Variants in SBNO2 observed in about 807,000 individuals in gnomAD.
The protein encoded by SBNO2 is strawberry notch homolog 2.
A neutral mutation model predicts 146.3 loss-of-function variants in SBNO2; 89 were observed. The ratio of observed to expected loss-of-function variants is 0.61; its 90% CI spans 0.51 to 0.73. The LOEUF (loss-of-function observed/expected upper bound fraction) is 0.73. Ranked by LOEUF, SBNO2 falls within the 30% of genes least tolerant of loss-of-function variation. The pLI is 0.00. For missense variants in SBNO2, 2,092 were observed against 2,003.7 expected (o/e 1.04, Z -0.84); for synonymous variants, 1,147 against 892.6 (o/e 1.29, Z -5.08).
At chr19:1,149,512 G>T in intron 2 of SBNO2, 70 bp from the exon 3 acceptor site, 1 of 1,432,622 alleles carries the variant, frequency 7.0e-7, no homozygotes. Context: ...TAAGCCCTCC[G>T]GGCAGGGTGA....
At chr19:1,164,986 G>A (rs1027748386) in intron 1 of SBNO2, among the ~76,000 whole-genome samples, 2 of 151,920 alleles carry the variant, frequency 1.3e-5, no homozygotes, top group Non-Finnish European at 2.9e-5. Context: ...AGGAGGAGGA[G>A]GAGGAGGCAG....
chr19:1,129,174 G>A (rs1355795461), intron 4 of SBNO2, among the ~76,000 whole-genome samples: 2 of 152,176 alleles, frequency 1.3e-5, no homozygotes, highest in Admixed American at 6.5e-5. Context: ...GGCTGGGGCA[G>A]GAGAACTGCT....
Position 1,117,904 on chromosome 19 carries a change from C to G in SBNO2, c.1528-405G>C, listed in dbSNP as rs527831057. 7.2e-5 allele frequency among the ~76,000 whole-genome samples: 11 copies of G among 152,228 alleles called. 1 individual carries two copies. Among genetic ancestry groups the G allele is most frequent in the Admixed American group, 3.9e-4 (6 of 15,286 alleles). ...GGTTTGGGGGCTGGTCCCGGCATGA[C>G]TGGGTGGGCTGGGTTAGGGTGGCTG... On this transcript the variant is annotated intron_variant, in intron 14 of 31. Coordinates refer to ENST00000361757, the MANE Select transcript of SBNO2 (RefSeq NM_014963.3).
chr19:1,114,395 G>T lies in SBNO2; in HGVS notation c.1913C>A (p.Ala638Asp). The T allele has an allele frequency of 6.5e-7, 1 of 1,546,940 alleles. No individual in the cohort carries two copies. Among genetic ancestry groups the T allele is most frequent in the Non-Finnish European group, 8.7e-7 (1 of 1,144,692 alleles). The change falls in exon 18 of 32, where the codon GCC becomes GAC. Residue 638 changes from alanine to aspartate, a missense_variant. Transcript: ENST00000361757. Reference protein sequence around the residue: ...KRRPRGRGAKAPRLACETAGV... With the variant: ...KRRPRGRGAKDPRLACETAGV... ...CGCTGTCTCGCACGCCAGCCGGGGG[G>T]CTTTGGCCCCGCGTCCCCGAGGTCG...
At chr19:1,111,751 C>G in intron 23 of SBNO2, 137 bp from the exon 24 acceptor site, 1 of 738,496 alleles carries the variant, frequency 1.4e-6, no homozygotes, top group South Asian at 1.8e-5. Context: ...CCCACCTCCC[C>G]CAGCTCTCAG....
intron 1 of SBNO2, among the ~76,000 whole-genome samples, chr19:1,170,389 G>A (rs1181177476): frequency 2.0e-5 from 3 of 152,172 alleles, no homozygotes; most frequent in Admixed American, 6.5e-5. Context: ...AACCTCCCGG[G>A]GGTTGGGGGC....
In SBNO2 at chr19:1,111,518, T is replaced by A; in HGVS notation, c.2797A>T (p.Thr933Ser). 1.3e-6 allele frequency: 2 copies of A among 1,579,562 alleles called. No individual in the cohort carries two copies. The highest frequency in any genetic ancestry group is 1.7e-6 in the Non-Finnish European group (2 of 1,162,974). ...CAGCCCAGCTTACCCCGGAAGAAGGTGGGGACCCCTCCAGGGTATCCCTGG... is the reference window on the plus strand; with the variant it reads ...CAGCCCAGCTTACCCCGGAAGAAGGAGGGGACCCCTCCAGGGTATCCCTGG... Reference protein sequence around the residue: ...VPQGYPGGVPTFFRDMKQGLL... With the variant: ...VPQGYPGGVPSFFRDMKQGLL... The change falls in exon 24 of 32, where the codon ACC becomes TCC. Residue 933 changes from threonine to serine, a missense_variant. Thr to Ser is a moderately conservative substitution (Grantham distance 58). Coordinates refer to ENST00000361757, the MANE Select transcript of SBNO2 (RefSeq NM_014963.3).
chr19:1,120,797 T>C (rs1352361296), intron 11 of SBNO2, among the ~76,000 whole-genome samples: 3 of 152,046 alleles, frequency 2.0e-5, no homozygotes, highest in African/African-American at 7.2e-5. Flanking sequence ...GCCTCCTGAG[T>C]AGCTGGGATT....
chr19:1,142,471 G>A (rs2080150376), intron 4 of SBNO2, among the ~76,000 whole-genome samples: 1 of 152,246 alleles, frequency 6.6e-6, no homozygotes, highest in Non-Finnish European at 1.5e-5. Context: ...CCTGAGGTCA[G>A]GAGTTCGAGA....
At chr19:1,125,000 T>A (rs2079949088) in intron 5 of SBNO2, among the ~76,000 whole-genome samples, 1 of 151,972 alleles carries the variant, frequency 6.6e-6, no homozygotes, top group Admixed American at 6.6e-5. Context: ...TCTGTGTGAT[T>A]CTGGAATATA....
In SBNO2 at chr19:1,150,888, T is replaced by G. The variant is rs2080236540; in HGVS notation, c.94-1446A>C. 1.3e-5 allele frequency among the ~76,000 whole-genome samples: 2 copies of G among 151,508 alleles called. No individual in the cohort carries two copies. The highest frequency in any genetic ancestry group is 4.9e-5 in the African/African-American group (2 of 41,220). On this transcript the variant is annotated intron_variant, in intron 2 of 31. Coordinates refer to ENST00000361757, the MANE Select transcript of SBNO2 (RefSeq NM_014963.3). The surrounding 1 kb of genome is among the most constrained non-coding windows in gnomAD (Gnocchi z 6.2). ...CTCGAGATAGGCAAAGCCCTCGGGG[T>G]GACCGCTGCCCCGCTCCTCCAGCTT...
intron 4 of SBNO2, among the ~76,000 whole-genome samples, chr19:1,129,495 G>C (rs976403143): frequency 1.3e-5 from 2 of 152,064 alleles, no homozygotes; most frequent in Non-Finnish European, 2.9e-5. Context: ...AGCCAGGTAG[G>C]GTGCAGCACC....
chr19:1,114,515 T>G, intron 17 of SBNO2, 93 bp from the exon 18 acceptor site: 2 of 1,120,816 alleles, frequency 1.8e-6, no homozygotes, highest in South Asian at 3.4e-5. Context: ...AGGCCAGTGG[T>G]CCGAGCTGGG....
Position 1,112,644 on chromosome 19 carries a change from G to A in SBNO2, c.2380-107C>T, listed in dbSNP as rs538858991. Reference sequence around the variant, plus strand: ...CCGCTCCAGGTCACCAGGACGTCCCGGGGCAGCGAGAGGCCTGCGGGGCGC... The same window carrying A: ...CCGCTCCAGGTCACCAGGACGTCCCAGGGCAGCGAGAGGCCTGCGGGGCGC... On this transcript the variant is annotated intron_variant, in intron 20 of 31. Coordinates refer to ENST00000361757, the MANE Select transcript of SBNO2 (RefSeq NM_014963.3). The surrounding 1 kb of genome is among the most constrained non-coding windows in gnomAD (Gnocchi z 5.9). The A allele has an allele frequency of 3.4e-6, 5 of 1,455,736 alleles. No homozygotes were observed. The highest frequency in any genetic ancestry group is 1.4e-5 in the African/African-American group (1 of 70,820). 90.2% of individuals were successfully genotyped at this position (1,455,736 alleles called of 1,614,324 possible). A position where few individuals can be genotyped will look rare whatever the true frequency, so the allele number is the denominator to read the frequency against.
chr19:1,170,237 G>A (rs1270573656), intron 1 of SBNO2, among the ~76,000 whole-genome samples: 2 of 152,234 alleles, frequency 1.3e-5, no homozygotes, highest in Non-Finnish European at 2.9e-5. Context: ...AGAACCCCAG[G>A]TTTGCCTTCG....
intron 1 of SBNO2, 137 bp from the exon 2 acceptor site, chr19:1,154,539 C>T (rs990464197): frequency 5.6e-6 from 2 of 358,046 alleles, no homozygotes; most frequent in East Asian, 4.1e-5. Context: ...AACCAAAAGG[C>T]GCTCCTTCCC....
chr19:1,125,767 G>A (rs10414790), intron 5 of SBNO2, among the ~76,000 whole-genome samples: 3,745 of 152,220 alleles, frequency 0.025, 154 homozygotes, highest in African/African-American at 0.085. Flanking sequence ...GGCAGAACGG[G>A]CGAGATCTTT....
chr19:1,141,296 C>T (rs894089455), intron 4 of SBNO2, among the ~76,000 whole-genome samples: 3 of 151,980 alleles, frequency 2.0e-5, no homozygotes, highest in African/African-American at 7.3e-5. Flanking sequence ...CTCCCTGCAA[C>T]CTCTGCTTCC....
intron 1 of SBNO2, among the ~76,000 whole-genome samples, chr19:1,154,777 G>A (rs2080274109): frequency 6.6e-6 from 1 of 152,178 alleles, no homozygotes; most frequent in Non-Finnish European, 1.5e-5. Flanking sequence ...TGAGACTGTG[G>A]AGGGAGAGTC....
Sources: allele counts gnomAD v4.1 joint callset (sites outside exome capture counted in the v4.1 genomes callset), GRCh38; gene constraint gnomAD v4.1.1; non-coding constraint Gnocchi (gnomAD v3.1); transcripts MANE v1.5; gene names NCBI Gene and HGNC (gene_info 2026-07-23, HGNC 2026-07-21).